DMWD: variants seen among roughly 807,000 people sequenced by gnomAD.
DMWD encodes DM1 locus, WD repeat containing.
In DMWD, 19 loss-of-function variants were observed where a neutral mutation model predicts 45.8. The ratio of observed to expected loss-of-function variants is 0.41; its 90% CI spans 0.29 to 0.61. The LOEUF (loss-of-function observed/expected upper bound fraction) is 0.61. DMWD is among the 20% of genes least tolerant of loss of function. The probability of loss-of-function intolerance (pLI) is 0.25; values close to 1 mark genes in which losing one functional copy is unlikely to be tolerated. For missense variants in DMWD, 802 were observed against 965.2 expected (o/e 0.83, Z 2.24); for synonymous variants, 515 against 440.5 (o/e 1.17, Z -2.12).
chr19:45,792,659 T>G lies in DMWD; in HGVS notation c.98A>C (p.Tyr33Ser). Residue 33 changes from tyrosine (Y) to serine (S), a missense_variant, in exon 1 of 5, where the codon TAC becomes TCC. Coordinates refer to ENST00000270223, the MANE Select transcript of DMWD (RefSeq NM_004943.2). Reference protein sequence around the residue: ...KSQFRTREGFYKLLPGDGAAR... With the variant: ...KSQFRTREGFSKLLPGDGAAR... ...GGCGCCGTCGCCCGGGAGTAGCTTG[T>G]AGAAACCCTCGCGCGTGCGGAATTG... The G allele has an allele frequency of 7.5e-7, 1 of 1,328,978 alleles. No homozygotes were observed. Among genetic ancestry groups the G allele is most frequent in the Non-Finnish European group, 9.8e-7 (1 of 1,024,022 alleles). 82.3% of individuals were successfully genotyped at this position (1,328,978 alleles called of 1,614,324 possible).
Position 45,786,881 on chromosome 19 carries a change from G to A in DMWD, c.625-10C>T. The A allele has an allele frequency of 6.2e-7, 1 of 1,611,272 alleles. No homozygotes were observed. The highest frequency in any genetic ancestry group is 8.5e-7 in the Non-Finnish European group (1 of 1,178,862). On this transcript the variant is annotated splice_polypyrimidine_tract_variant and intron_variant, in intron 2 of 4. Coordinates refer to ENST00000270223, the MANE Select transcript of DMWD (RefSeq NM_004943.2). ...TCTTGTCGATCAACCGCTGCCAGGGGAGACAGTGTGGGGTTGGGAGAAGGC... is the reference window on the plus strand; with the variant it reads ...TCTTGTCGATCAACCGCTGCCAGGGAAGACAGTGTGGGGTTGGGAGAAGGC...
chr19:45,790,408 C>T (rs1161687614), intron 2 of DMWD, among the ~76,000 whole-genome samples: 2 of 150,832 alleles, frequency 1.3e-5, no homozygotes, highest in Non-Finnish European at 1.5e-5. Flanking sequence ...AATCCCACCA[C>T]TTTGGGAGGC....
Position 45,783,528 on chromosome 19 carries a change from G to GC in DMWD, c.*714dup. On this transcript the variant is annotated 3_prime_UTR_variant, in exon 5 of 5. Coordinates refer to ENST00000270223, the MANE Select transcript of DMWD (RefSeq NM_004943.2). ...TTCTCCCCAAGAGGGTCCTGCTCCA[G>GC]CCGCTGGTGTGGGTCACCAGTTGTG... is the stretch of plus-strand genomic sequence containing the variant. The GC allele has an allele frequency of 2.5e-6, 1 of 398,664 alleles. No homozygotes were observed. Among genetic ancestry groups the GC allele is most frequent in the South Asian group, 1.3e-4 (1 of 7,868 alleles). The allele number at this position is 398,664 out of a possible 1,614,324, so 24.7% of individuals were successfully genotyped here. A position where few individuals can be genotyped will look rare whatever the true frequency, so the allele number is the denominator to read the frequency against.
At position 45,784,164 on chromosome 19, in the gene DMWD, T is replaced by G. The variant is rs768191989; in HGVS notation, c.*79A>C. 1 of 1,313,770 alleles carries G rather than the reference T, an allele frequency of 7.6e-7. No homozygotes were observed. The highest frequency in any genetic ancestry group is 1.1e-6 in the Non-Finnish European group (1 of 917,312). 81.4% of individuals were successfully genotyped at this position (1,313,770 alleles called of 1,614,324 possible). On this transcript the variant is annotated 3_prime_UTR_variant, in exon 5 of 5. Coordinates refer to ENST00000270223, the MANE Select transcript of DMWD (RefSeq NM_004943.2). ...CATCATGGTTAGTCTTGTTAATACGTTGATCTGTGAGGTCAGCAGGGAGGG... is the reference window on the plus strand; with the variant it reads ...CATCATGGTTAGTCTTGTTAATACGGTGATCTGTGAGGTCAGCAGGGAGGG...
rs1195365690 is a variant in DMWD, at chr19:45,784,883, C to A, written c.1903-168G>T. Among the ~76,000 whole-genome samples, 4 of 152,168 alleles carry A rather than the reference C, an allele frequency of 2.6e-5. No individual in the cohort carries two copies. In the East Asian group the frequency reaches 7.7e-4, roughly 29 times the overall value. ...AAGCCACGGCCTCCAGGACCCTGGG[C>A]AACTGAGTCCAAGCCCTAAGAAGCT... On this transcript the variant is annotated intron_variant, in intron 3 of 4. Transcript: ENST00000270223.
intron 2 of DMWD, chr19:45,787,130 T>C (rs1970291039): frequency 1.7e-6 from 1 of 592,536 alleles, no homozygotes; most frequent in South Asian, 2.0e-5. Flanking sequence ...GTCCCATCTT[T>C]GGCGAGGGGA....
Position 45,792,534 on chromosome 19 carries a change from C to T in DMWD, c.223G>A (p.Gly75Ser). The T allele has an allele frequency of 8.7e-7, 1 of 1,147,668 alleles. No homozygotes were observed. The highest frequency in any genetic ancestry group is 1.1e-6 in the Non-Finnish European group (1 of 934,320). The allele number at this position is 1,147,668 out of a possible 1,614,324, so 71.1% of individuals were successfully genotyped here. The change falls in exon 1 of 5, where the codon GGC becomes AGC. Residue 75 changes from glycine to serine, a missense_variant. By Grantham distance (56) the Gly-to-Ser change is moderately conservative. Coordinates refer to ENST00000270223, the MANE Select transcript of DMWD (RefSeq NM_004943.2). Reference protein sequence around the residue: ...PASASGPGAAGPASSPPPAGP... With the variant: ...PASASGPGAASPASSPPPAGP... ...GCGGGCGGCGGGGACGACGCGGGGC[C>T]TGCAGCGCCGGGACCGGAGGCGGAG... is the stretch of plus-strand genomic sequence containing the variant.
Position 45,792,583 on chromosome 19 carries a change from T to C in DMWD, c.174A>G (p.Pro58=). 1 of 1,285,196 alleles carries C rather than the reference T, an allele frequency of 7.8e-7. No individual in the cohort carries two copies. Among genetic ancestry groups the C allele is most frequent in the Non-Finnish European group, 1.0e-6 (1 of 1,000,286 alleles). 79.6% of individuals were successfully genotyped at this position (1,285,196 alleles called of 1,614,324 possible). Residue 58 remains proline (P), a synonymous_variant, in exon 1 of 5, where the codon CCA becomes CCG. Transcript: ENST00000270223. ...AGGCAGGGCCGGGCGGGGGCTGCGG[T>C]GGCTGAGGCGGCACCGGAGTCTGGG... ...ASAQTPVPPQ[P]PQPPPGPASA... is the part of the protein sequence containing the mutation.
rs1436677718 is a variant in DMWD at position 45,787,137 on chromosome 19, G to A, written c.625-266C>T. 1.6e-5 allele frequency: 9 copies of A among 577,194 alleles called. No individual in the cohort carries two copies. In the East Asian group the frequency reaches 2.8e-4, roughly 18 times the overall value. 35.8% of individuals were successfully genotyped at this position (577,194 alleles called of 1,614,324 possible). On this transcript the variant is annotated intron_variant, in intron 2 of 4. Transcript: ENST00000270223. The stretch of plus-strand genomic sequence containing the variant: ...GCCTCGATGTCCCATCTTTGGCGAG[G>A]GGACAGTCCTGCTTGCCACAGAATT...
rs1970224731 is a variant in DMWD at position 45,783,962 on chromosome 19, T to G, written c.*281A>C. 3 of 596,978 alleles carry G rather than the reference T, an allele frequency of 5.0e-6. No homozygotes were observed. Among genetic ancestry groups the G allele is most frequent in the Non-Finnish European group, 8.8e-6 (3 of 341,462 alleles). 37.0% of individuals were successfully genotyped at this position (596,978 alleles called of 1,614,324 possible). On this transcript the variant is annotated 3_prime_UTR_variant, in exon 5 of 5. Transcript: ENST00000270223. ...GGAGTCTCTCCCCAGGAGTGACCAG[T>G]CACATGCTGGGGACAGGGATGAGGG... is the stretch of plus-strand genomic sequence containing the variant.
intron 2 of DMWD, among the ~76,000 whole-genome samples, chr19:45,789,089 G>A (rs1168421768): frequency 6.6e-6 from 1 of 152,054 alleles, no homozygotes; most frequent in African/African-American, 2.4e-5. Flanking sequence ...CTTCTAAACA[G>A]GCCTTAATCA....
At chr19:45,784,840 C>G (rs1167500397) in intron 3 of DMWD, 125 bp from the exon 4 acceptor site, 1 of 1,424,904 alleles carries the variant, frequency 7.0e-7, no homozygotes, top group East Asian at 2.5e-5. Flanking sequence ...GATTCCAAAA[C>G]TGAGGATCTG....
intron 2 of DMWD, chr19:45,789,861 C>A (rs1360231562): frequency 6.6e-6 from 1 of 152,254 alleles, no homozygotes; most frequent in Non-Finnish European, 1.5e-5. Context: ...ACCAAAAATA[C>A]AAAAATTGGC....
In DMWD at chr19:45,785,145, G is replaced by A. The variant is rs921471131; in HGVS notation, c.1903-430C>T. On this transcript the variant is annotated intron_variant, in intron 3 of 4. Coordinates refer to ENST00000270223, the MANE Select transcript of DMWD (RefSeq NM_004943.2). ...GATTCCCAGCCTGTGCCTTCAGCAG[G>A]AGGCTCAGATCCTGAGTCCCAGACC... 8.8e-6 allele frequency: 9 copies of A among 1,024,088 alleles called. No individual in the cohort carries two copies. The East Asian group carries it at 3.6e-4, about 42-fold the overall frequency. The allele number at this position is 1,024,088 out of a possible 1,614,324, so 63.4% of individuals were successfully genotyped here.
At position 45,792,676 on chromosome 19, in the gene DMWD, G is replaced by C; in HGVS notation, c.81C>G (p.Arg27=). The change falls in exon 1 of 5, where the codon CGC becomes CGG. Residue 27 remains arginine, a synonymous_variant. Transcript: ENST00000270223. ...GTAGCTTGTAGAAACCCTCGCGCGT[G>C]CGGAATTGCGACTTAATCTCCGCGC... ...GDCAEIKSQF[R]TREGFYKLLP... 1.5e-6 allele frequency: 2 copies of C among 1,307,306 alleles called. No homozygotes were observed. Among genetic ancestry groups the C allele is most frequent in the Non-Finnish European group, 2.0e-6 (2 of 1,012,220 alleles). 81.0% of individuals were successfully genotyped at this position (1,307,306 alleles called of 1,614,324 possible). A position where few individuals can be genotyped will look rare whatever the true frequency, so the allele number is the denominator to read the frequency against.
intron 2 of DMWD, chr19:45,789,746 G>C (rs184590748): frequency 6.6e-6 from 1 of 152,366 alleles, no homozygotes; most frequent in African/African-American, 2.4e-5. Context: ...GGCCGGGCGC[G>C]GTGGCTCATG....
At position 45,785,819 on chromosome 19, in the gene DMWD, A is replaced by G. The variant is rs61744161; in HGVS notation, c.1677T>C (p.Ser559=). The G allele has an allele frequency of 5.2e-3, 8,330 of 1,611,122 alleles. 361 individuals carry two copies. The African/African-American group carries it at 0.095, about 18-fold the overall frequency. Residue 559 remains serine, a synonymous_variant, in exon 3 of 5, where the codon AGT becomes AGC. Transcript: ENST00000270223. ...ISRGGSGGSG[S]GGEKPSGPVP... ...CAGGGCCGCTGGGCTTCTCCCCACCACTGCCACTGCCGCCACTGCCACCCC... is the reference window on the plus strand; with the variant it reads ...CAGGGCCGCTGGGCTTCTCCCCACCGCTGCCACTGCCGCCACTGCCACCCC...
Position 45,792,439 on chromosome 19 carries a change from G to A in DMWD, c.318C>T (p.Ser106=), listed in dbSNP as rs1315271173. 1 of 1,522,892 alleles carries A rather than the reference G, an allele frequency of 6.6e-7. No homozygotes were observed. Among genetic ancestry groups the A allele is most frequent in the Non-Finnish European group, 8.8e-7 (1 of 1,133,740 alleles). The allele number at this position is 1,522,892 out of a possible 1,614,324, so 94.3% of individuals were successfully genotyped here. A position where few individuals can be genotyped will look rare whatever the true frequency, so the allele number is the denominator to read the frequency against. Residue 106 remains serine (S), a synonymous_variant, in exon 1 of 5, where the codon AGC becomes AGT. Transcript: ENST00000270223. ...TGGCGGGCGGCTCCCCGGCCCCGGC[G>A]CTGTCCGGCTCCCCGAGGCGCACGA... is the stretch of plus-strand genomic sequence containing the variant. ...LSLVRLGEPD[S]AGAGEPPATP... is the part of the protein sequence containing the mutation.
At chr19:45,789,573 A>T (rs959792414) in intron 2 of DMWD, 1 of 152,264 alleles carries the variant, frequency 6.6e-6, no homozygotes, top group Non-Finnish European at 1.5e-5. Flanking sequence ...TCACATGATG[A>T]GTAAATGGTG....
Sources: gnomAD v4.1 joint callset for allele counts (sites outside exome capture counted in the v4.1 genomes callset) on GRCh38, gnomAD v4.1.1 for gene constraint, MANE v1.5 for transcripts, NCBI Gene and HGNC (gene_info 2026-07-23, HGNC 2026-07-21) for gene names.